The following MRTFA variants were observed in gnomAD, a reference collection of about 807,000 sequenced individuals.
MRTFA encodes myocardin-related transcription factor A.
A neutral mutation model predicts 83.5 loss-of-function variants in MRTFA; 20 were observed. The observed-to-expected ratio is 0.24, with a 90% CI of 0.17 to 0.35. The LOEUF (loss-of-function observed/expected upper bound fraction) is 0.35, where lower values mean the gene tolerates loss of function less well. Among genes scored for constraint, MRTFA ranks in the 10% least tolerant of loss-of-function variants. The pLI is 1.00. For missense variants in MRTFA, 1,200 were observed against 1,224.7 expected, an observed-to-expected ratio of 0.98 and a Z score of 0.30; for synonymous variants, 659 against 541.2, an observed-to-expected ratio of 1.22 and a Z score of -3.02.
chr22:40,500,358 T>A (rs1163132404), intron 3 of MRTFA, among the ~76,000 whole-genome samples: 1 of 147,702 alleles, frequency 6.8e-6, no homozygotes, highest in Non-Finnish European at 1.5e-5. Flanking sequence ...ATTTTTTTTT[T>A]AACATTTCAT....
chr22:40,420,320 T>C, intron 11 of MRTFA, 85 bp downstream of exon 11: 1 of 1,495,540 alleles, frequency 6.7e-7, no homozygotes, highest in Non-Finnish European at 9.1e-7. Context: ...GCTGGCTGCC[T>C]TCCCTGCCTA....
intron 14 of MRTFA, 170 bp from the exon 15 acceptor site, chr22:40,412,077 C>T (rs2052563423): frequency 6.0e-6 from 3 of 498,576 alleles, no homozygotes; most frequent in Admixed American, 4.2e-5. Flanking sequence ...AAAATATTTG[C>T]AAATCACATA....
chr22:40,539,877 C>T (rs2055259249), intron 3 of MRTFA, among the ~76,000 whole-genome samples: 1 of 149,300 alleles, frequency 6.7e-6, no homozygotes, highest in South Asian at 2.1e-4. Context: ...ATCAGTTAAA[C>T]AATCGGTGTT....
intron 2 of MRTFA, chr22:40,587,225 C>A (rs747214299): frequency 4.2e-6 from 2 of 473,564 alleles, no homozygotes; most frequent in Admixed American, 2.3e-5. Flanking sequence ...AAGTGCCACA[C>A]AATTGTCTAA....
chr22:40,563,255 G>A (rs531397581), intron 2 of MRTFA, among the ~76,000 whole-genome samples: 15 of 151,804 alleles, frequency 9.9e-5, no homozygotes, highest in East Asian at 7.7e-4. Flanking sequence ...CATCCCCTTC[G>A]AATGGGCTAG....
intron 3 of MRTFA, among the ~76,000 whole-genome samples, chr22:40,489,631 C>G (rs1325989474): frequency 6.6e-6 from 1 of 151,946 alleles, no homozygotes; most frequent in African/African-American, 2.4e-5. Context: ...TGAGTCCTTT[C>G]AAGACTGAGT....
At chr22:40,467,417 T>C (rs1168971631) in intron 3 of MRTFA, among the ~76,000 whole-genome samples, 1 of 152,214 alleles carries the variant, frequency 6.6e-6, no homozygotes, top group Admixed American at 6.5e-5. Flanking sequence ...CAGCTGTTTA[T>C]ATGGAGTTTT....
chr22:40,453,863 A>G lies in MRTFA; in HGVS notation c.307+9358T>C, dbSNP rs114645482. Among the ~76,000 whole-genome samples, 1,438 of 152,268 alleles carry G rather than the reference A, an allele frequency of 9.4e-3. 27 individuals are homozygous for G. Among genetic ancestry groups the G allele is most frequent in the African/African-American group, 0.033 (1,385 of 41,540 alleles). ...TTCTGTCTCTTGGTAAGTTGCCCAG[A>G]AATTTAAAAACATTTCTAACACAGC... On this transcript the variant is annotated intron_variant, in intron 4 of 14. Coordinates refer to ENST00000355630, the MANE Select transcript of MRTFA (RefSeq NM_020831.6).
intron 3 of MRTFA, among the ~76,000 whole-genome samples, chr22:40,495,208 T>C (rs988947795): frequency 1.3e-5 from 2 of 151,420 alleles, no homozygotes; most frequent in Admixed American, 6.6e-5. Flanking sequence ...ACCCCGTCTC[T>C]ACTAAAAATA....
chr22:40,499,098 A>G (rs2054411553), intron 3 of MRTFA, among the ~76,000 whole-genome samples: 1 of 152,216 alleles, frequency 6.6e-6, no homozygotes, highest in Admixed American at 6.5e-5. Context: ...AAAGAAAGGT[A>G]TAAAAATGAT....
At chr22:40,457,485 A>AGAAAGAAAGAAAGAAG (rs1491138060) in intron 4 of MRTFA, among the ~76,000 whole-genome samples, 3 of 133,234 alleles carry the variant, frequency 2.3e-5, no homozygotes, top group African/African-American at 7.7e-5. Context: ...AAAGAAAGAA[A>AGAAAGAAAGAAAGAAG]GAAGGAAAGA....
At chr22:40,474,453 C>A (rs1295873057) in intron 3 of MRTFA, among the ~76,000 whole-genome samples, 2 of 152,170 alleles carry the variant, frequency 1.3e-5, no homozygotes, top group African/African-American at 4.8e-5. Context: ...GTCATAAAAA[C>A]AAGTAAGTTA....
chr22:40,474,611 C>A (rs151024242), intron 3 of MRTFA, among the ~76,000 whole-genome samples: 1,767 of 152,230 alleles, frequency 0.012, 22 homozygotes, highest in Non-Finnish European at 0.016. Context: ...TCTTTCCTTG[C>A]ATTCATTCAA....
chr22:40,470,228 ATTTTATATATATATATAT>A (rs1569283303), intron 3 of MRTFA, among the ~76,000 whole-genome samples: 1 of 54,056 alleles, frequency 1.8e-5, no homozygotes, highest in Non-Finnish European at 3.0e-5. Flanking sequence ...CATCTCCAAA[ATTTTATATATATATATAT>A]ATATATATAT....
chr22:40,516,236 T>A (rs1465097002), intron 3 of MRTFA, among the ~76,000 whole-genome samples: 2 of 151,830 alleles, frequency 1.3e-5, no homozygotes, highest in East Asian at 3.9e-4. Flanking sequence ...CTGGGCAACA[T>A]GGCGAAATCC....
chr22:40,488,141 C>T (rs2147196464), intron 3 of MRTFA, among the ~76,000 whole-genome samples: 1 of 152,238 alleles, frequency 6.6e-6, no homozygotes, highest in South Asian at 2.1e-4. Flanking sequence ...TACTAGAGTA[C>T]AAAAGGGATT....
chr22:40,499,162 T>G (rs543001161), intron 3 of MRTFA, among the ~76,000 whole-genome samples: 2 of 152,344 alleles, frequency 1.3e-5, no homozygotes, highest in African/African-American at 4.8e-5. Flanking sequence ...GTTTTTCTCG[T>G]AAAGATGTCA....
At chr22:40,580,371 G>A (rs889340421) in intron 2 of MRTFA, among the ~76,000 whole-genome samples, 1 of 151,806 alleles carries the variant, frequency 6.6e-6, no homozygotes, top group African/African-American at 2.4e-5. Flanking sequence ...GCTAGTTTTT[G>A]TATTTTTTGT....
chr22:40,558,264 T>G (rs1602426671), intron 2 of MRTFA, among the ~76,000 whole-genome samples: 1 of 140,154 alleles, frequency 7.1e-6, no homozygotes, highest in East Asian at 2.1e-4. Flanking sequence ...TTTTTTTTTT[T>G]TTTTTTTTTT....
Sources: allele counts gnomAD v4.1 joint callset (sites outside exome capture counted in the v4.1 genomes callset), GRCh38; gene constraint gnomAD v4.1.1; transcripts MANE v1.5; gene names NCBI Gene and HGNC (gene_info 2026-07-23, HGNC 2026-07-21).